The following DIAPH3 variants were observed in gnomAD, a reference collection of about 807,000 sequenced individuals.
DIAPH3 encodes diaphanous related formin 3.
DIAPH3 carries 117 observed loss-of-function variants against 144.3 expected under a neutral mutation model. The ratio of observed to expected loss-of-function variants is 0.81; its 90% CI spans 0.70 to 0.95. The LOEUF (loss-of-function observed/expected upper bound fraction) is 0.95. DIAPH3 is among the 40% of genes least tolerant of loss of function. The pLI, the probability that DIAPH3 is intolerant of heterozygous loss-of-function variation, is 0.00. For missense variants in DIAPH3, 1,421 were observed against 1,412.7 expected (o/e 1.01, Z -0.09); for synonymous variants, 519 against 488.9 (o/e 1.06, Z -0.81).
chr13:60,069,694 G>C (rs1274595665), intron 4 of DIAPH3, among the ~76,000 whole-genome samples: 12 of 152,066 alleles, frequency 7.9e-5, no homozygotes, highest in Admixed American at 7.9e-4. Context: ...TTCTGCATAT[G>C]GCTAGCCAGT....
chr13:59,667,618 G>A (rs2032095891), intron 27 of DIAPH3, among the ~76,000 whole-genome samples: 1 of 152,206 alleles, frequency 6.6e-6, no homozygotes, highest in African/African-American at 2.4e-5. Flanking sequence ...AATGTTATAT[G>A]TAATTGTCAA....
chr13:60,074,487 G>A (rs779554985), intron 4 of DIAPH3, among the ~76,000 whole-genome samples: 36 of 151,808 alleles, frequency 2.4e-4, no homozygotes, highest in Middle Eastern at 6.8e-3. Flanking sequence ...ATTATCCTTT[G>A]TGTGTGTGTG....
intron 25 of DIAPH3, among the ~76,000 whole-genome samples, chr13:59,788,254 T>TC (rs2039136449): frequency 1.3e-5 from 2 of 152,342 alleles, no homozygotes; most frequent in South Asian, 4.1e-4. Flanking sequence ...AGAGGTCACT[T>TC]CACACATTTG....
chr13:60,147,989 A>T (rs1016331056), intron 1 of DIAPH3, among the ~76,000 whole-genome samples: 2 of 152,108 alleles, frequency 1.3e-5, no homozygotes, highest in African/African-American at 4.8e-5. Context: ...GGAAGGTAAG[A>T]TAGATGAGGT....
Position 60,093,713 on chromosome 13 carries a change from T to C in DIAPH3, c.410A>G (p.Glu137Gly). 2 of 1,610,934 alleles carry C rather than the reference T, an allele frequency of 1.2e-6. No homozygotes were observed. Among genetic ancestry groups the C allele is most frequent in the South Asian group, 2.2e-5 (2 of 91,008 alleles). The part of the protein sequence containing the change: ...EKMMEDMNLN[E>G]DKKAPLREKD... Reference sequence around the variant, plus strand: ...TTCCCGCAATGGTGCCTTTTTATCTTCATTTAAATTCATATCTTCCTGGAA... The same window carrying C: ...TTCCCGCAATGGTGCCTTTTTATCTCCATTTAAATTCATATCTTCCTGGAA... The change falls in exon 4 of 28, where the codon GAA (glutamate) becomes GGA (glycine). Residue 137 changes from glutamate (E) to glycine (G), a missense_variant. Transcript: ENST00000400324.
intron 5 of DIAPH3, among the ~76,000 whole-genome samples, chr13:60,033,291 C>T (rs559994165): frequency 6.6e-6 from 1 of 152,294 alleles, no homozygotes; most frequent in African/African-American, 2.4e-5. Flanking sequence ...TACCAAAGTT[C>T]CTTCCACATT....
chr13:60,141,765 A>G (rs751346468), intron 1 of DIAPH3, among the ~76,000 whole-genome samples: 4 of 152,232 alleles, frequency 2.6e-5, no homozygotes, highest in Admixed American at 6.5e-5. Flanking sequence ...AATAAGCACA[A>G]TAAGTAAATT....
At chr13:59,716,977 C>A (rs1200139261) in intron 27 of DIAPH3, among the ~76,000 whole-genome samples, 1 of 151,734 alleles carries the variant, frequency 6.6e-6, no homozygotes. Context: ...ATAAAAAAAT[C>A]TCACTTAATT....
chr13:59,760,529 C>T (rs1006015936), intron 27 of DIAPH3, among the ~76,000 whole-genome samples: 1 of 152,130 alleles, frequency 6.6e-6, no homozygotes, highest in Non-Finnish European at 1.5e-5. Context: ...ATTTTAAAAT[C>T]CTAAACCCTA....
chr13:59,852,091 AAC>A (rs1322721192), intron 22 of DIAPH3, among the ~76,000 whole-genome samples: 1 of 152,164 alleles, frequency 6.6e-6, no homozygotes, highest in Non-Finnish European at 1.5e-5. Context: ...ACTACTAATT[AAC>A]ACTAGCTCTT....
chr13:60,161,418 G>A lies in DIAPH3; in HGVS notation c.180+2169C>T, dbSNP rs539770358. ...TGCAATCAAGAGCAGTGAAAGGTAG[G>A]CAAACTGGGAAGAGCTGCTCAGGAA... is the stretch of plus-strand genomic sequence containing the variant. On this transcript the variant is annotated intron_variant, in intron 1 of 27. Transcript: ENST00000400324. Among the ~76,000 whole-genome samples, 6 of 152,300 alleles carry A rather than the reference G, an allele frequency of 3.9e-5. No individual in the cohort carries two copies. In the South Asian group the frequency reaches 1.0e-3, roughly 26 times the overall value.
At chr13:60,106,544 G>C (rs2058426487) in intron 3 of DIAPH3, among the ~76,000 whole-genome samples, 1 of 152,068 alleles carries the variant, frequency 6.6e-6, no homozygotes, top group African/African-American at 2.4e-5. Flanking sequence ...TTACATTTTT[G>C]TACTTCAGCT....
intron 24 of DIAPH3, among the ~76,000 whole-genome samples, chr13:59,825,749 C>G (rs2041371657): frequency 1.3e-5 from 2 of 152,150 alleles, no homozygotes; most frequent in African/African-American, 2.4e-5. Flanking sequence ...GAGATGGTAT[C>G]TCATTGTGGT....
At chr13:60,126,519 A>G (rs1027905859) in intron 2 of DIAPH3, among the ~76,000 whole-genome samples, 12 of 152,204 alleles carry the variant, frequency 7.9e-5, no homozygotes, top group African/African-American at 2.9e-4. Context: ...TCACAGTGGG[A>G]GACTTCGATA....
intron 24 of DIAPH3, among the ~76,000 whole-genome samples, chr13:59,822,811 ATC>A (rs1474999209): frequency 2.6e-5 from 4 of 152,134 alleles, no homozygotes; most frequent in Non-Finnish European, 4.4e-5. Context: ...CTCTCCTTCT[ATC>A]TCTCTGTTTC....
At chr13:59,843,011 C>A (rs961304556) in intron 22 of DIAPH3, among the ~76,000 whole-genome samples, 1 of 152,132 alleles carries the variant, frequency 6.6e-6, no homozygotes, top group African/African-American at 2.4e-5. Context: ...CAGCCCCTCT[C>A]GCACCCATAC....
chr13:59,988,157 T>C (rs2051552598), intron 12 of DIAPH3, among the ~76,000 whole-genome samples: 1 of 151,858 alleles, frequency 6.6e-6, no homozygotes, highest in Non-Finnish European at 1.5e-5. Flanking sequence ...TTAACTGTCA[T>C]AGAGTGAAAA....
chr13:59,921,555 C>A (rs919692472), intron 18 of DIAPH3, among the ~76,000 whole-genome samples: 1 of 151,734 alleles, frequency 6.6e-6, no homozygotes, highest in Non-Finnish European at 1.5e-5. Context: ...CCTGAATAAA[C>A]CAATAACCAG....
intron 17 of DIAPH3, among the ~76,000 whole-genome samples, chr13:59,930,226 AAG>A (rs2047959218): frequency 6.6e-6 from 1 of 152,202 alleles, no homozygotes; most frequent in Non-Finnish European, 1.5e-5. Flanking sequence ...AGCAACTAAA[AAG>A]AGACTGTGTT....
Sources: gnomAD v4.1 joint callset for allele counts (sites outside exome capture counted in the v4.1 genomes callset) on GRCh38, gnomAD v4.1.1 for gene constraint, MANE v1.5 for transcripts, NCBI Gene and HGNC (gene_info 2026-07-23, HGNC 2026-07-21) for gene names.